Variants in DAB1 observed in about 807,000 individuals in gnomAD.
DAB1 encodes the protein disabled homolog 1.
DAB1 carries 15 observed loss-of-function variants against 64.6 expected under a neutral mutation model. That is an observed-to-expected ratio of 0.23 (90% CI 0.16 to 0.36). The LOEUF (loss-of-function observed/expected upper bound fraction) is 0.36, where lower values mean the gene tolerates loss of function less well. DAB1 is among the 10% of genes least tolerant of loss of function. The pLI is 1.00. For missense variants in DAB1, 596 were observed against 706.7 expected, an observed-to-expected ratio of 0.84 and a Z score of 1.78; for synonymous variants, 235 against 251.9, an observed-to-expected ratio of 0.93 and a Z score of 0.64.
intron 6 of DAB1, among the ~76,000 whole-genome samples, chr1:57,755,119 GT>G (rs1648744368): frequency 6.6e-6 from 1 of 152,118 alleles, no homozygotes; most frequent in Non-Finnish European, 1.5e-5. Flanking sequence ...GAGTCAGTCA[GT>G]TCTCTTTCTT....
chr1:57,270,330 A>C (rs1670896576), intron 2 of DAB1, among the ~76,000 whole-genome samples: 1 of 152,186 alleles, frequency 6.6e-6, no homozygotes, highest in African/African-American at 2.4e-5. Context: ...TTACTTTATA[A>C]ATTAATAGAC....
intron 4 of DAB1, among the ~76,000 whole-genome samples, chr1:58,220,729 C>A (rs1659116363): frequency 6.6e-6 from 1 of 151,968 alleles, no homozygotes; most frequent in Admixed American, 6.6e-5. Flanking sequence ...ATAATGTTAC[C>A]CTTATTATAG....
intron 5 of DAB1, among the ~76,000 whole-genome samples, chr1:58,110,878 C>T (rs1209571366): frequency 6.6e-6 from 1 of 152,140 alleles, no homozygotes; most frequent in Non-Finnish European, 1.5e-5. Flanking sequence ...AAACATATTT[C>T]AATAGTACCT....
At chr1:58,451,501 T>C (rs1645136259) in intron 3 of DAB1, among the ~76,000 whole-genome samples, 1 of 152,238 alleles carries the variant, frequency 6.6e-6, no homozygotes, top group African/African-American at 2.4e-5. Context: ...TGTAATTTGG[T>C]TAATAGTATT....
At chr1:57,762,239 C>T (rs2101819147) in intron 6 of DAB1, among the ~76,000 whole-genome samples, 1 of 152,176 alleles carries the variant, frequency 6.6e-6, no homozygotes, top group South Asian at 2.1e-4. Flanking sequence ...TTAAAAAGTC[C>T]ATGGATAATT....
rs146685344 is a variant in DAB1 at position 57,735,869 on chromosome 1, T to C, written n.552-86204A>G. 1.4e-3 allele frequency among the ~76,000 whole-genome samples: 217 copies of C among 152,158 alleles called. 1 individual carries two copies. The highest frequency in any genetic ancestry group is 5.0e-3 in the African/African-American group (209 of 41,514). On this transcript the variant is annotated intron_variant and non_coding_transcript_variant, in intron 6 of 20. Transcript: ENST00000485760. ...GTAAATCCAGTCTACTTTAAAGGCA[T>C]TGTCTGGGCCCGGGATTAATGCACT... is the stretch of plus-strand genomic sequence containing the variant.
intron 3 of DAB1, among the ~76,000 whole-genome samples, chr1:58,348,436 A>G (rs1481551642): frequency 6.6e-6 from 1 of 152,192 alleles, no homozygotes; most frequent in Admixed American, 6.5e-5. Flanking sequence ...ACAAAAAAAA[A>G]AGATGATTTT....
At chr1:57,928,677 C>T (rs953184738) in intron 5 of DAB1, among the ~76,000 whole-genome samples, 3 of 152,180 alleles carry the variant, frequency 2.0e-5, no homozygotes, top group African/African-American at 7.2e-5. Flanking sequence ...GCCTTTTCCA[C>T]AATGCCATAT....
intron 5 of DAB1, among the ~76,000 whole-genome samples, chr1:57,990,262 T>C (rs1646312041): frequency 6.6e-6 from 1 of 152,192 alleles, no homozygotes; most frequent in East Asian, 1.9e-4. Context: ...CATATGCCAC[T>C]ATGAGGTAGA....
intron 3 of DAB1, among the ~76,000 whole-genome samples, chr1:58,491,430 T>C (rs1196987308): frequency 6.6e-6 from 1 of 152,136 alleles, no homozygotes. Flanking sequence ...ACCTTAAATG[T>C]AAATGGGCTA....
At chr1:57,185,076 T>C (rs907180970) in intron 2 of DAB1, among the ~76,000 whole-genome samples, 5 of 152,048 alleles carry the variant, frequency 3.3e-5, no homozygotes, top group Non-Finnish European at 5.9e-5. Context: ...CACCAACCTC[T>C]TGCTCACCCC....
chr1:57,323,781 G>A (rs187921772), intron 1 of DAB1, among the ~76,000 whole-genome samples: 37 of 152,212 alleles, frequency 2.4e-4, no homozygotes, highest in Admixed American at 6.5e-4. Flanking sequence ...AGGAGTTAAA[G>A]TTATTTACCA....
At chr1:57,643,165 A>G (rs1006548124) in intron 7 of DAB1, among the ~76,000 whole-genome samples, 6 of 152,160 alleles carry the variant, frequency 3.9e-5, no homozygotes, top group Non-Finnish European at 2.9e-5. Flanking sequence ...CCTGCCAATT[A>G]CGGAGATTTT....
intron 1 of DAB1, among the ~76,000 whole-genome samples, chr1:57,402,780 C>T (rs548221397): frequency 2.8e-4 from 43 of 152,274 alleles, no homozygotes; most frequent in African/African-American, 1.0e-3. Flanking sequence ...CAGAGCAAGA[C>T]CAGACAGAAT....
intron 3 of DAB1, among the ~76,000 whole-genome samples, chr1:58,484,679 T>C (rs922332230): frequency 7.2e-5 from 11 of 152,136 alleles, no homozygotes; most frequent in African/African-American, 1.4e-4. Context: ...TTTCCTTCGA[T>C]AGGTGAATGG....
chr1:57,606,344 T>A (rs1169097423), intron 7 of DAB1: 1 of 138,592 alleles, frequency 7.2e-6, no homozygotes, highest in Non-Finnish European at 1.5e-5. Context: ...CATTCTTATC[T>A]AAAGTTCTTC....
At chr1:57,475,432 G>A (rs1383774141) in intron 7 of DAB1, among the ~76,000 whole-genome samples, 1 of 152,204 alleles carries the variant, frequency 6.6e-6, no homozygotes, top group Non-Finnish European at 1.5e-5. Flanking sequence ...TTAACACAGT[G>A]CCTGCCCAGG....
chr1:57,260,312 G>A (rs1670085708), intron 2 of DAB1, among the ~76,000 whole-genome samples: 1 of 152,132 alleles, frequency 6.6e-6, no homozygotes. Flanking sequence ...TTCACTGGGT[G>A]CTTACTGAGT....
intron 5 of DAB1, among the ~76,000 whole-genome samples, chr1:58,118,485 TATATATATATATATATATACAC>T (rs1652493639): frequency 2.6e-5 from 2 of 76,690 alleles, no homozygotes; most frequent in South Asian, 9.4e-4. Context: ...TATATATATA[TATATATATATATATATATACAC>T]ACACACACAC....
Sources: allele counts gnomAD v4.1 joint callset (sites outside exome capture counted in the v4.1 genomes callset), GRCh38; gene constraint gnomAD v4.1.1; transcripts MANE v1.5; gene names NCBI Gene and HGNC (gene_info 2026-07-23, HGNC 2026-07-21).